Variants in MVB12B observed in about 807,000 individuals in gnomAD.
MVB12B encodes ESCRT-I complex subunit MVB12B.
Under a neutral mutation model 41.6 loss-of-function variants are expected in MVB12B, and 16 were observed. The observed-to-expected ratio is 0.38, with a 90% CI of 0.26 to 0.58. The LOEUF (loss-of-function observed/expected upper bound fraction) is 0.58, where lower values mean the gene tolerates loss of function less well. Ranked by LOEUF, MVB12B falls within the 20% of genes least tolerant of loss-of-function variation. The probability of loss-of-function intolerance (pLI) is 0.62; values close to 1 mark genes in which losing one functional copy is unlikely to be tolerated. For synonymous variants in MVB12B, 133 were observed against 139.7 expected, an observed-to-expected ratio of 0.95 and a Z score of 0.34; for missense variants, 274 against 380.2, an observed-to-expected ratio of 0.72 and a Z score of 2.32.
chr9:126,347,457 A>G (rs911450969), intron 2 of MVB12B, among the ~76,000 whole-genome samples: 1 of 152,242 alleles, frequency 6.6e-6, no homozygotes, highest in East Asian at 1.9e-4. Flanking sequence ...TATAATTTAT[A>G]TATGCCCAAA....
chr9:126,399,069 C>T (rs1831197192), intron 6 of MVB12B, among the ~76,000 whole-genome samples: 1 of 151,820 alleles, frequency 6.6e-6, no homozygotes, highest in Non-Finnish European at 1.5e-5. Context: ...GCAGAAAATG[C>T]TGTGGTGTCA....
At chr9:126,331,127 T>G (rs1829119491) in intron 1 of MVB12B, among the ~76,000 whole-genome samples, 1 of 152,074 alleles carries the variant, frequency 6.6e-6, no homozygotes, top group Admixed American at 6.5e-5. Context: ...TACCCAGAAG[T>G]GGAATTGCTG....
intron 2 of MVB12B, among the ~76,000 whole-genome samples, chr9:126,365,043 CGCCTG>C (rs904008569): frequency 4.8e-5 from 7 of 145,964 alleles, no homozygotes; most frequent in African/African-American, 1.8e-4. Context: ...TGAGCCACCG[CGCCTG>C]GCCTGTTTTT....
chr9:126,437,827 A>G (rs953341514), intron 7 of MVB12B, among the ~76,000 whole-genome samples: 1 of 152,224 alleles, frequency 6.6e-6, no homozygotes, highest in African/African-American at 2.4e-5. Context: ...TGATTATGCA[A>G]AATTACTTTT....
intron 9 of MVB12B, among the ~76,000 whole-genome samples, chr9:126,487,047 G>T (rs1317456366): frequency 6.6e-6 from 1 of 152,212 alleles, no homozygotes; most frequent in Non-Finnish European, 1.5e-5. Context: ...TCAATGTCGG[G>T]CGCTCCGAGT....
chr9:126,422,890 T>C (rs1832066868), intron 7 of MVB12B, among the ~76,000 whole-genome samples: 1 of 152,228 alleles, frequency 6.6e-6, no homozygotes, highest in South Asian at 2.1e-4. Flanking sequence ...AAAAGCCAGT[T>C]GTTCCATTTC....
Position 126,326,990 on chromosome 9 carries a change from C to A in MVB12B, c.61C>A (p.Pro21Thr). 2 of 249,652 alleles carry A rather than the reference C, an allele frequency of 8.0e-6. No homozygotes were observed. Among genetic ancestry groups the A allele is most frequent in the South Asian group, 3.6e-5 (1 of 27,488 alleles). The allele number at this position is 249,652 out of a possible 1,614,324, so 15.5% of individuals were successfully genotyped here. The change falls in exon 1 of 10, where the codon CCG becomes ACG. Residue 21 changes from proline to threonine, a missense_variant. Pro to Thr is a conservative substitution (Grantham distance 38). Transcript: ENST00000361171. ...CCCGCCGCCGCCGCAGCCACCGCCGCCGCCGCCCCAGCGGGGAACAGTTAA... is the reference window on the plus strand; with the variant it reads ...CCCGCCGCCGCCGCAGCCACCGCCGACGCCGCCCCAGCGGGGAACAGTTAA... Reference protein sequence around the residue: ...RDPPPPQPPPPPPQRGTDQST... With the variant: ...RDPPPPQPPPTPPQRGTDQST...
intron 7 of MVB12B, among the ~76,000 whole-genome samples, chr9:126,460,606 C>T (rs768925547): frequency 3.9e-5 from 6 of 152,002 alleles, no homozygotes; most frequent in South Asian, 2.1e-4. Flanking sequence ...GGGTGGGCAT[C>T]GCCTCTCCCT....
intron 7 of MVB12B, among the ~76,000 whole-genome samples, chr9:126,464,439 G>C (rs143771773): frequency 0.019 from 2,821 of 152,074 alleles, 37 homozygotes; most frequent in Non-Finnish European, 0.03. Flanking sequence ...GCTAGGTTGG[G>C]ATCAACCTGG....
intron 7 of MVB12B, among the ~76,000 whole-genome samples, chr9:126,463,411 C>A (rs2119179442): frequency 6.6e-6 from 1 of 152,272 alleles, no homozygotes; most frequent in Admixed American, 6.5e-5. Flanking sequence ...GAGAGAAATA[C>A]AAGGCATAGA....
intron 7 of MVB12B, among the ~76,000 whole-genome samples, chr9:126,477,188 G>A (rs1388333036): frequency 1.3e-5 from 2 of 152,078 alleles, no homozygotes; most frequent in African/African-American, 2.4e-5. Context: ...GAGGGCCAGG[G>A]GAGGTGCCAT....
chr9:126,464,112 T>A (rs1833144772), intron 7 of MVB12B, among the ~76,000 whole-genome samples: 2 of 152,170 alleles, frequency 1.3e-5, no homozygotes, highest in Admixed American at 1.3e-4. Context: ...CTACAGGCCC[T>A]GGGCCAACAG....
chr9:126,399,846 G>A (rs150132939), intron 6 of MVB12B, among the ~76,000 whole-genome samples: 9 of 152,328 alleles, frequency 5.9e-5, no homozygotes, highest in Admixed American at 2.6e-4. Context: ...GTGAGCTGAC[G>A]TGCTGAATGA....
At chr9:126,434,465 C>T (rs1307192716) in intron 7 of MVB12B, among the ~76,000 whole-genome samples, 5 of 152,248 alleles carry the variant, frequency 3.3e-5, no homozygotes, top group South Asian at 2.1e-4. Context: ...GATCCACTGG[C>T]GAGGCAACAT....
chr9:126,428,714 G>T (rs1332214440), intron 7 of MVB12B, among the ~76,000 whole-genome samples: 1 of 152,124 alleles, frequency 6.6e-6, no homozygotes, highest in African/African-American at 2.4e-5. Flanking sequence ...CCACATTCTG[G>T]GTGTGCCATG....
intron 6 of MVB12B, among the ~76,000 whole-genome samples, chr9:126,413,222 AG>A (rs2119064179): frequency 6.6e-6 from 1 of 152,346 alleles, no homozygotes; most frequent in Non-Finnish European, 1.5e-5. Flanking sequence ...GTCATAATTA[AG>A]AGCATGAATT....
At chr9:126,335,396 C>A in intron 1 of MVB12B, 1 of 1,304,274 alleles carries the variant, frequency 7.7e-7, no homozygotes, top group Non-Finnish European at 1.0e-6. Context: ...CAGCTCTCAG[C>A]CTTCTGAGGA....
intron 2 of MVB12B, among the ~76,000 whole-genome samples, chr9:126,344,556 G>T (rs1308221344): frequency 1.3e-5 from 2 of 152,190 alleles, no homozygotes; most frequent in African/African-American, 4.8e-5. Flanking sequence ...CCCATGGCTG[G>T]GTTCAGCTCC....
intron 6 of MVB12B, chr9:126,397,613 A>G: frequency 1.0e-6 from 1 of 985,414 alleles, no homozygotes; most frequent in Non-Finnish European, 1.2e-6. Context: ...AGTGCTTCCA[A>G]GTAAAAGCCA....
Sources: allele counts gnomAD v4.1 joint callset (sites outside exome capture counted in the v4.1 genomes callset), GRCh38; gene constraint gnomAD v4.1.1; transcripts MANE v1.5; gene names NCBI Gene and HGNC (gene_info 2026-07-23, HGNC 2026-07-21).